IGF1R: variants seen among roughly 807,000 people sequenced by gnomAD.
The protein encoded by IGF1R is insulin like growth factor 1 receptor.
A neutral mutation model predicts 144.6 loss-of-function variants in IGF1R; 44 were observed. The ratio of observed to expected loss-of-function variants is 0.30; its 90% CI spans 0.24 to 0.39. The LOEUF is 0.39. IGF1R is among the 10% of genes least tolerant of loss of function. The pLI, the probability that IGF1R is intolerant of heterozygous loss-of-function variation, is 1.00. For synonymous variants in IGF1R, 795 were observed against 722.8 expected (o/e 1.10, Z -1.60); for missense variants, 1,355 against 1,833.7 (o/e 0.74, Z 4.77).
intron 2 of IGF1R, among the ~76,000 whole-genome samples, chr15:98,812,358 G>GTT (rs1421281421): frequency 6.7e-6 from 1 of 148,274 alleles, no homozygotes. Flanking sequence ...TCTTGAAAAA[G>GTT]CTTTTTTTTT....
intron 2 of IGF1R, among the ~76,000 whole-genome samples, chr15:98,716,800 A>AG (rs5814893): frequency 0.96 from 146,520 of 152,218 alleles, 70,660 homozygotes; most frequent in Non-Finnish European, 0.98. Context: ...TAGGCAGGGA[A>AG]GGTGACCATC....
intron 17 of IGF1R, among the ~76,000 whole-genome samples, chr15:98,937,119 C>G (rs1304964897): frequency 1.3e-5 from 2 of 152,200 alleles, no homozygotes; most frequent in East Asian, 3.8e-4. Flanking sequence ...CTCCTGACCT[C>G]AGGTGATCCA....
At position 98,961,142 on chromosome 15, in the gene IGF1R, G is replaced by A. The variant is rs2017209997; in HGVS notation, c.*3700G>A. On this transcript the variant is annotated 3_prime_UTR_variant, in exon 21 of 21. Transcript: ENST00000650285. ...CTCCCAGGACCCCGGGGATCTTAAG[G>A]TCATTGAGAAATACTGTTGGATCAG... The A allele has an allele frequency of 4.3e-6, 1 of 233,444 alleles. No homozygotes were observed. The highest frequency in any genetic ancestry group is 8.5e-6 in the Non-Finnish European group (1 of 117,980). The allele number at this position is 233,444 out of a possible 1,614,324, so 14.5% of individuals were successfully genotyped here.
rs932985724 is a variant in IGF1R at position 98,957,965 on chromosome 15, A to G, written c.*523A>G. The G allele has an allele frequency of 2.5e-5, 6 of 236,352 alleles. No individual in the cohort carries two copies. Among genetic ancestry groups the G allele is most frequent in the Admixed American group, 1.6e-4 (3 of 18,226 alleles). The allele number at this position is 236,352 out of a possible 1,614,324, so 14.6% of individuals were successfully genotyped here. ...ACCTTTATCTTTCACCTTTCTAGGG[A>G]CATGAAATTTACAAAGGGCCATCGT... On this transcript the variant is annotated 3_prime_UTR_variant, in exon 21 of 21. Transcript: ENST00000650285.
At chr15:98,771,253 G>A (rs1050024444) in intron 2 of IGF1R, among the ~76,000 whole-genome samples, 3 of 152,130 alleles carry the variant, frequency 2.0e-5, no homozygotes, top group African/African-American at 7.2e-5. Flanking sequence ...TTTTTCTAAG[G>A]TGTGCTGGGA....
Position 98,891,182 on chromosome 15 carries a change from T to G in IGF1R, c.641-143T>G. On this transcript the variant is annotated intron_variant, in intron 2 of 20. Transcript: ENST00000650285. This position sits in a 1 kb window ranked among gnomAD's most constrained non-coding sequence, Gnocchi z 4.7. ...GACAGTGGTGGGGGTGAGGATTTCG[T>G]AGTGTGTTTTTGCATTGTCTCCTCA... The G allele has an allele frequency of 1.3e-6, 1 of 757,996 alleles. No homozygotes were observed. Among genetic ancestry groups the G allele is most frequent in the Non-Finnish European group, 2.3e-6 (1 of 438,884 alleles). 47.0% of individuals were successfully genotyped at this position (757,996 alleles called of 1,614,324 possible).
At chr15:98,854,219 C>T (rs533616062) in intron 2 of IGF1R, among the ~76,000 whole-genome samples, 2 of 152,258 alleles carry the variant, frequency 1.3e-5, no homozygotes, top group South Asian at 4.1e-4. Flanking sequence ...AGTTACAAAA[C>T]TGGGCAAGTG....
At chr15:98,865,344 A>G (rs1013584360) in intron 2 of IGF1R, among the ~76,000 whole-genome samples, 1 of 152,244 alleles carries the variant, frequency 6.6e-6, no homozygotes, top group Non-Finnish European at 1.5e-5. Flanking sequence ...ACTAATTCCT[A>G]AAATATCCTG....
intron 2 of IGF1R, among the ~76,000 whole-genome samples, chr15:98,726,738 A>G (rs1476830331): frequency 2.9e-5 from 2 of 67,860 alleles, no homozygotes; most frequent in African/African-American, 5.1e-5. Context: ...TTTTTTTTTG[A>G]GATAGAGTCT....
chr15:98,806,653 G>A (rs1168717692), intron 2 of IGF1R, among the ~76,000 whole-genome samples: 1 of 152,206 alleles, frequency 6.6e-6, no homozygotes, highest in South Asian at 2.1e-4. Context: ...CTGACTGCCA[G>A]GGAGAGATCC....
chr15:98,677,619 C>T (rs987309413), intron 1 of IGF1R, among the ~76,000 whole-genome samples: 4 of 152,212 alleles, frequency 2.6e-5, no homozygotes, highest in African/African-American at 4.8e-5. Context: ...GACTGGGCTC[C>T]TGGCTTCTGT....
At chr15:98,738,740 G>A (rs2054669273) in intron 2 of IGF1R, among the ~76,000 whole-genome samples, 1 of 152,146 alleles carries the variant, frequency 6.6e-6, no homozygotes, top group South Asian at 2.1e-4. Context: ...ACTTGGTAAT[G>A]CCCAGCATTC....
At chr15:98,829,330 T>G (rs2056959069) in intron 2 of IGF1R, among the ~76,000 whole-genome samples, 1 of 151,982 alleles carries the variant, frequency 6.6e-6, no homozygotes, top group South Asian at 2.1e-4. Flanking sequence ...ATGGAATTGC[T>G]CTGATGTTTT....
At chr15:98,893,164 A>T (rs2014012949) in intron 3 of IGF1R, among the ~76,000 whole-genome samples, 1 of 152,210 alleles carries the variant, frequency 6.6e-6, no homozygotes, top group Non-Finnish European at 1.5e-5. Flanking sequence ...TTTAAATATA[A>T]TTTTTGCTGC....
Position 98,649,321 on chromosome 15 carries a change from C to G in IGF1R, c.-261C>G, listed in dbSNP as rs1162101783. ...ACGCCGACAGCCCGCCCCGGCGCGCCTCGGGTTCCCGACTCCGCCGAGCCC... is the reference window on the plus strand; with the variant it reads ...ACGCCGACAGCCCGCCCCGGCGCGCGTCGGGTTCCCGACTCCGCCGAGCCC... On this transcript the variant is annotated 5_prime_UTR_variant, in exon 1 of 21. Coordinates refer to ENST00000650285, the MANE Select transcript of IGF1R (RefSeq NM_000875.5). 4.8e-6 allele frequency: 1 copy of G among 208,154 alleles called. No homozygotes were observed. Among genetic ancestry groups the G allele is most frequent in the East Asian group, 7.4e-5 (1 of 13,570 alleles). The allele number at this position is 208,154 out of a possible 1,614,324, so 12.9% of individuals were successfully genotyped here. A position where few individuals can be genotyped will look rare whatever the true frequency, so the allele number is the denominator to read the frequency against.
At position 98,922,424 on chromosome 15, in the gene IGF1R, G is replaced by A. The variant is rs774670816; in HGVS notation, c.2478G>A (p.Met826Ile). The A allele has an allele frequency of 1.2e-6, 2 of 1,610,418 alleles. No homozygotes were observed. Among genetic ancestry groups the A allele is most frequent in the East Asian group, 2.2e-5 (1 of 44,886 alleles). Reference sequence around the variant, plus strand: ...CCAACTTCGTCTTTGCAAGGACTATGCCCGCAGGTATGGTATGATCCAGCT... The same window carrying A: ...CCAACTTCGTCTTTGCAAGGACTATACCCGCAGGTATGGTATGATCCAGCT... ...SASNFVFARTMPAEGADDIPG... is the reference protein window; with the variant it reads ...SASNFVFARTIPAEGADDIPG... Residue 826 changes from methionine (M) to isoleucine (I), a missense_variant, in exon 11 of 21, where the codon ATG (methionine) becomes ATA (isoleucine). Met to Ile is a conservative substitution (Grantham distance 10). Transcript: ENST00000650285.
chr15:98,872,421 G>A (rs143556663), intron 2 of IGF1R, among the ~76,000 whole-genome samples: 7 of 152,238 alleles, frequency 4.6e-5, no homozygotes, highest in African/African-American at 7.2e-5. Context: ...AGAGACCAGC[G>A]GGTCATAATG....
At chr15:98,862,054 TC>T (rs2141585573) in intron 2 of IGF1R, among the ~76,000 whole-genome samples, 1 of 143,646 alleles carries the variant, frequency 7.0e-6, no homozygotes, top group Admixed American at 7.4e-5. Flanking sequence ...CCTGACAAAC[TC>T]TTTTTATTGC....
intron 2 of IGF1R, among the ~76,000 whole-genome samples, chr15:98,770,199 CTGAA>C (rs1265472432): frequency 6.6e-6 from 1 of 152,120 alleles, no homozygotes; most frequent in Admixed American, 6.5e-5. Context: ...TGACCATGGG[CTGAA>C]TGAATGTCTC....
Sources: allele counts gnomAD v4.1 joint callset (sites outside exome capture counted in the v4.1 genomes callset), GRCh38; gene constraint gnomAD v4.1.1; non-coding constraint Gnocchi (gnomAD v3.1); transcripts MANE v1.5; gene names NCBI Gene and HGNC (gene_info 2026-07-23, HGNC 2026-07-21).